Variants in DENND2C observed in about 807,000 individuals in gnomAD.
The protein encoded by DENND2C is DENN domain containing 2C.
DENND2C carries 72 observed loss-of-function variants against 112.4 expected under a neutral mutation model. The ratio of observed to expected loss-of-function variants is 0.64; its 90% confidence interval spans 0.53 to 0.78. The LOEUF (loss-of-function observed/expected upper bound fraction) is 0.78. DENND2C is among the 30% of genes least tolerant of loss of function. The probability of loss-of-function intolerance (pLI) is 0.00; values close to 1 mark genes in which losing one functional copy is unlikely to be tolerated. For missense variants in DENND2C, 992 were observed against 1,113.8 expected (o/e 0.89, Z 1.56); for synonymous variants, 329 against 381.6 (o/e 0.86, Z 1.61).
chr1:114,586,836 C>G (rs1157518761), intron 20 of DENND2C: 1 of 151,904 alleles, frequency 6.6e-6, no homozygotes, highest in Non-Finnish European at 1.5e-5. Context: ...CAGCGATCCC[C>G]CTCGGGCCTC....
At chr1:114,647,104 G>A (rs1191945164) in intron 2 of DENND2C, among the ~76,000 whole-genome samples, 1 of 151,680 alleles carries the variant, frequency 6.6e-6, no homozygotes, top group Non-Finnish European at 1.5e-5. Flanking sequence ...ACAGGTTGCA[G>A]TGGGCCAAGA....
chr1:114,604,864 A>G, intron 11 of DENND2C, 58 bp downstream of exon 11: 1 of 1,255,536 alleles, frequency 8.0e-7, no homozygotes, highest in Non-Finnish European at 1.2e-6. Flanking sequence ...TTTCTCAAAT[A>G]CTCTGATTTA....
At chr1:114,604,479 G>C (rs1446706165) in intron 11 of DENND2C, among the ~76,000 whole-genome samples, 1 of 152,104 alleles carries the variant, frequency 6.6e-6, no homozygotes, top group Non-Finnish European at 1.5e-5. Context: ...CCTTTGTACA[G>C]GTTCCACAGA....
intron 1 of DENND2C, among the ~76,000 whole-genome samples, chr1:114,658,023 G>A (rs1657380974): frequency 6.6e-6 from 1 of 152,178 alleles, no homozygotes; most frequent in African/African-American, 2.4e-5. Flanking sequence ...AAAGATAAGA[G>A]TGCAGGTAAA....
At position 114,604,871 on chromosome 1, in the gene DENND2C, T is replaced by C. The variant is rs762488571; in HGVS notation, c.1667+51A>G. ...TGTACCCATTTCTCAAATACTCTGA[T>C]TTATTTTTGCAGGTCTAATGAATAG... On this transcript the variant is annotated intron_variant, in intron 11 of 20. Transcript: ENST00000393274. 9 of 1,334,098 alleles carry C rather than the reference T, an allele frequency of 6.7e-6. No individual in the cohort carries two copies. The Admixed American group carries it at 1.5e-4, about 23-fold the overall frequency. The allele number at this position is 1,334,098 out of a possible 1,614,324, so 82.6% of individuals were successfully genotyped here.
chr1:114,606,866 G>A (rs899022477), intron 10 of DENND2C, among the ~76,000 whole-genome samples: 1 of 152,164 alleles, frequency 6.6e-6, no homozygotes, highest in African/African-American at 2.4e-5. Context: ...CTAGGGGTTG[G>A]GAAGTTAAGC....
At chr1:114,586,625 C>T (rs1012518522) in intron 20 of DENND2C, 1 of 152,012 alleles carries the variant, frequency 6.6e-6, no homozygotes, top group Non-Finnish European at 1.5e-5. Flanking sequence ...GGCTATATTG[C>T]TGATCTGATT....
intron 5 of DENND2C, 34 bp downstream of exon 5, chr1:114,623,471 ATC>A: frequency 5.0e-6 from 8 of 1,584,516 alleles, no homozygotes; most frequent in Non-Finnish European, 6.9e-6. Flanking sequence ...CAAATATATA[ATC>A]ACTAAATTTA....
At chr1:114,639,243 T>C (rs960765833) in intron 3 of DENND2C, among the ~76,000 whole-genome samples, 2 of 152,190 alleles carry the variant, frequency 1.3e-5, no homozygotes, top group East Asian at 1.9e-4. Context: ...GCAACCCCTT[T>C]GGAAAGCAGT....
At chr1:114,628,319 CAA>C (rs760000537) in intron 3 of DENND2C, among the ~76,000 whole-genome samples, 73 of 71,906 alleles carry the variant, frequency 1.0e-3, no homozygotes, top group South Asian at 2.2e-3. Context: ...GACCCCAACT[CAA>C]AAAAAAAAAA....
rs376048130 is a variant in DENND2C at position 114,629,915 on chromosome 1, T to C, written c.-204-3727A>G. 9.2e-5 allele frequency among the ~76,000 whole-genome samples: 14 copies of C among 152,316 alleles called. No individual in the cohort carries two copies. The East Asian group carries it at 1.9e-3, about 21-fold the overall frequency. On this transcript the variant is annotated intron_variant, in intron 3 of 20. Transcript: ENST00000393274. ...TTTTAAAATATTTTATTTGATTAGA[T>C]ATAAGCATCTGGAAAAATAACTTGG...
chr1:114,664,219 T>C (rs1434113829), intron 1 of DENND2C, among the ~76,000 whole-genome samples: 3 of 152,088 alleles, frequency 2.0e-5, no homozygotes, highest in Non-Finnish European at 2.9e-5. Flanking sequence ...ATTATAGGCA[T>C]GGGGACACAG....
intron 3 of DENND2C, among the ~76,000 whole-genome samples, chr1:114,629,474 T>A (rs913402421): frequency 3.9e-5 from 6 of 152,168 alleles, no homozygotes; most frequent in Non-Finnish European, 7.3e-5. Context: ...AGACAGGGTT[T>A]CACCATGTTG....
chr1:114,655,883 A>ATATATATAT (rs1557960847), intron 1 of DENND2C, among the ~76,000 whole-genome samples: 3,035 of 125,778 alleles, frequency 0.024, 93 homozygotes, highest in African/African-American at 0.055. Flanking sequence ...TATATGTATA[A>ATATATATAT]ATATATATAT....
At chr1:114,626,612 A>T (rs1435188603) in intron 3 of DENND2C, among the ~76,000 whole-genome samples, 1 of 150,720 alleles carries the variant, frequency 6.6e-6, no homozygotes, top group Non-Finnish European at 1.5e-5. Flanking sequence ...CCTGGGTTCA[A>T]GTGATCTTCC....
intron 2 of DENND2C, among the ~76,000 whole-genome samples, chr1:114,651,288 C>CAT (rs980499932): frequency 6.7e-6 from 1 of 149,626 alleles, no homozygotes; most frequent in African/African-American, 2.5e-5. Context: ...CACACACACA[C>CAT]ACACACACAC....
intron 2 of DENND2C, among the ~76,000 whole-genome samples, chr1:114,654,189 T>C (rs562947677): frequency 1.3e-5 from 2 of 152,118 alleles, no homozygotes; most frequent in Admixed American, 6.5e-5. Flanking sequence ...TCTCAGCCCT[T>C]TGGGAGGCTG....
intron 1 of DENND2C, among the ~76,000 whole-genome samples, chr1:114,660,586 T>C (rs1404096169): frequency 6.6e-6 from 1 of 152,100 alleles, no homozygotes; most frequent in Admixed American, 6.5e-5. Context: ...GAGGAGATAC[T>C]CATTAAAACA....
intron 1 of DENND2C, among the ~76,000 whole-genome samples, chr1:114,662,513 GAA>G: frequency 6.6e-6 from 1 of 152,032 alleles, no homozygotes; most frequent in East Asian, 1.9e-4. Context: ...TGAAAACTAC[GAA>G]AGTTAGACAT....
Sources: allele counts gnomAD v4.1 joint callset (sites outside exome capture counted in the v4.1 genomes callset), GRCh38; gene constraint gnomAD v4.1.1; transcripts MANE v1.5; gene names NCBI Gene and HGNC (gene_info 2026-07-23, HGNC 2026-07-21).